The following CDH2 variants were observed in gnomAD, a reference collection of about 807,000 sequenced individuals.
CDH2 encodes cadherin-2.
Under a neutral mutation model 92.0 loss-of-function variants are expected in CDH2, and 17 were observed. The ratio of observed to expected loss-of-function variants is 0.18; its 90% CI spans 0.13 to 0.28. The LOEUF (loss-of-function observed/expected upper bound fraction) is 0.28, where lower values mean the gene tolerates loss of function less well. Ranked by LOEUF, CDH2 falls within the 10% of genes least tolerant of loss-of-function variation. CDH2 has a pLI of 1.00. For missense variants in CDH2, 862 were observed against 1,133.1 expected, an observed-to-expected ratio of 0.76 and a Z score of 3.44; for synonymous variants, 419 against 415.9, an observed-to-expected ratio of 1.01 and a Z score of -0.09.
Position 28,177,050 on chromosome 18 carries a change from CCGGAGGAGG to C in CDH2, c.-37_-29del, listed in dbSNP as rs747499618. ...AGGCGGAGAGGGGCCGAGCGAAGAG[CCGGAGGAGG>C]CGGCGGCGGCGGCGGCGGCGGCGGA... is the stretch of plus-strand genomic sequence containing the variant. On this transcript the variant is annotated 5_prime_UTR_variant, in exon 1 of 16. Transcript: ENST00000269141. The C allele has an allele frequency of 6.9e-7, 1 of 1,452,388 alleles. No homozygotes were observed. The highest frequency in any genetic ancestry group is 9.1e-7 in the Non-Finnish European group (1 of 1,096,048). 90.0% of individuals were successfully genotyped at this position (1,452,388 alleles called of 1,614,324 possible).
chr18:28,130,702 T>C (rs188224408), intron 2 of CDH2, among the ~76,000 whole-genome samples: 1 of 152,298 alleles, frequency 6.6e-6, no homozygotes, highest in East Asian at 1.9e-4. Context: ...CTGTCCCCAG[T>C]GACTGAAGTT....
chr18:28,105,605 A>G (rs953204251), intron 2 of CDH2, among the ~76,000 whole-genome samples: 2 of 152,170 alleles, frequency 1.3e-5, no homozygotes, highest in African/African-American at 4.8e-5. Flanking sequence ...CTCCAAACCT[A>G]GAAGGAAAGT....
At chr18:28,149,706 G>A (rs1294640638) in intron 1 of CDH2, among the ~76,000 whole-genome samples, 1 of 152,178 alleles carries the variant, frequency 6.6e-6, no homozygotes, top group Non-Finnish European at 1.5e-5. Flanking sequence ...TTACCCCAGG[G>A]GAAGGAAAAC....
chr18:28,171,694 C>T (rs1344334775), intron 1 of CDH2, among the ~76,000 whole-genome samples: 1 of 152,146 alleles, frequency 6.6e-6, no homozygotes, highest in Non-Finnish European at 1.5e-5. Context: ...AGCCTTTCCA[C>T]AACCTTCGAA....
At chr18:28,171,414 C>A (rs1314858376) in intron 1 of CDH2, among the ~76,000 whole-genome samples, 1 of 152,026 alleles carries the variant, frequency 6.6e-6, no homozygotes, top group African/African-American at 2.4e-5. Flanking sequence ...AGTAATATTA[C>A]ACTTACCTTC....
intron 1 of CDH2, among the ~76,000 whole-genome samples, chr18:28,175,285 TGAAATCCCC>T (rs1478338441): frequency 6.6e-6 from 1 of 152,186 alleles, no homozygotes; most frequent in Non-Finnish European, 1.5e-5. Flanking sequence ...CTAATAGTTC[TGAAATCCCC>T]GAGTCAGGAG....
chr18:28,057,962 A>T (rs1296143295), intron 2 of CDH2, among the ~76,000 whole-genome samples: 2 of 152,180 alleles, frequency 1.3e-5, no homozygotes, highest in East Asian at 3.9e-4. Context: ...ATTGTTCTAG[A>T]ATTGCTAAGG....
At chr18:28,067,928 A>G (rs2014541073) in intron 2 of CDH2, among the ~76,000 whole-genome samples, 1 of 152,212 alleles carries the variant, frequency 6.6e-6, no homozygotes, top group Non-Finnish European at 1.5e-5. Flanking sequence ...TTCTGAGTGT[A>G]AAGTTTTAAC....
At chr18:27,965,737 C>T (rs1451651926) in intron 14 of CDH2, among the ~76,000 whole-genome samples, 1 of 152,134 alleles carries the variant, frequency 6.6e-6, no homozygotes, top group Admixed American at 6.5e-5. Flanking sequence ...TAGTCCCCTG[C>T]ACTTTGGGAG....
intron 14 of CDH2, among the ~76,000 whole-genome samples, chr18:27,976,281 C>T (rs890876680): frequency 2.6e-5 from 4 of 152,066 alleles, no homozygotes; most frequent in African/African-American, 4.8e-5. Context: ...CTGAAGGGTT[C>T]CAGTTTCTAT....
intron 2 of CDH2, among the ~76,000 whole-genome samples, chr18:28,066,883 G>A (rs1029076632): frequency 1.3e-5 from 2 of 152,130 alleles, no homozygotes; most frequent in East Asian, 1.9e-4. Context: ...GATAAAAACC[G>A]AAAGTAAATT....
intron 6 of CDH2, among the ~76,000 whole-genome samples, chr18:27,940,522 C>T (rs1909110975): frequency 2.0e-5 from 3 of 152,166 alleles, no homozygotes; most frequent in South Asian, 4.1e-4. Flanking sequence ...GGAGCTTTTT[C>T]TTGTGCTTTA....
rs200373316 is a variant in CDH2, at chr18:27,952,209, C to T, written c.2665G>A (p.Asp889Asn). ...GGEQDYDYLNDWGPRFKKLAD... is the reference protein window; with the variant it reads ...GGEQDYDYLNNWGPRFKKLAD... ...AGTTTCTTGAACCGTGGCCCCCAGT[C>T]GTTCAGGTAATCATAGTCCTGCTCA... The change falls in exon 16 of 16, where the codon GAC (aspartate) becomes AAC (asparagine). Residue 889 changes from aspartate to asparagine, a missense_variant. Transcript: ENST00000269141. The T allele has an allele frequency of 1.2e-4, 190 of 1,613,570 alleles. No homozygotes were observed. Among genetic ancestry groups the T allele is most frequent in the Non-Finnish European group, 1.5e-4 (182 of 1,179,744 alleles).
intron 2 of CDH2, among the ~76,000 whole-genome samples, chr18:28,095,367 G>A (rs1188503654): frequency 6.6e-6 from 1 of 151,968 alleles, no homozygotes; most frequent in African/African-American, 2.4e-5. Flanking sequence ...AATTGCTTGA[G>A]GTCAGATGTT....
chr18:28,082,964 A>G (rs2014859888), intron 2 of CDH2, among the ~76,000 whole-genome samples: 1 of 152,204 alleles, frequency 6.6e-6, no homozygotes, highest in African/African-American at 2.4e-5. Flanking sequence ...AAAGTAGCAG[A>G]GTTTAAAAAT....
intron 2 of CDH2, 125 bp from the exon 3 acceptor site, chr18:28,014,034 A>C: frequency 1.5e-6 from 1 of 651,536 alleles, no homozygotes. Flanking sequence ...TGAAACACAG[A>C]AGTTTTATTT....
intron 1 of CDH2, among the ~76,000 whole-genome samples, chr18:28,174,304 T>C (rs2016506075): frequency 6.6e-6 from 1 of 151,982 alleles, no homozygotes; most frequent in Admixed American, 6.6e-5. Flanking sequence ...GGACAGCCAC[T>C]TTCACCTTGC....
chr18:28,117,570 T>C (rs2015516646), intron 2 of CDH2, among the ~76,000 whole-genome samples: 1 of 152,116 alleles, frequency 6.6e-6, no homozygotes, highest in Non-Finnish European at 1.5e-5. Flanking sequence ...GTTTAAACTA[T>C]CAAGAAAAGT....
rs1567976408 is a variant in CDH2, at chr18:28,043,467, T to TATATATATATATATATATATAA, written c.173-29559_173-29558insTTATATATATATATATATATAT. Reference sequence around the variant, plus strand: ...AAAATTACTGATATAAATAAATATATATATATATATATATATATATATATA... The same window carrying TATATATATATATATATATATAA: ...AAAATTACTGATATAAATAAATATATATATATATATATATATATATAAATATATATATATATATATATATATA... On this transcript the variant is annotated intron_variant, in intron 2 of 15. Transcript: ENST00000269141. 1.3e-4 allele frequency among the ~76,000 whole-genome samples: 8 copies of TATATATATATATATATATATAA among 59,632 alleles called. No homozygotes were observed. The South Asian group carries it at 4.7e-3, about 35-fold the overall frequency. The allele number at this position is 59,632 out of a possible 152,430, so 39.1% of individuals were successfully genotyped here.
Sources: gnomAD v4.1 joint callset for allele counts (sites outside exome capture counted in the v4.1 genomes callset) on GRCh38, gnomAD v4.1.1 for gene constraint, MANE v1.5 for transcripts, NCBI Gene and HGNC (gene_info 2026-07-23, HGNC 2026-07-21) for gene names.